The following RPN1 variants were observed in gnomAD, a reference collection of about 807,000 sequenced individuals.
RPN1 encodes dolichyl-diphosphooligosaccharide--protein glycosyltransferase subunit 1.
RPN1 carries 12 observed loss-of-function variants against 55.5 expected under a neutral mutation model. That is an observed-to-expected ratio of 0.22 (90% confidence interval 0.14 to 0.35). The LOEUF (loss-of-function observed/expected upper bound fraction) is 0.35. Ranked by LOEUF, RPN1 falls within the 10% of genes least tolerant of loss-of-function variation. RPN1 has a pLI of 1.00. For synonymous variants in RPN1, 317 were observed against 305.9 expected (o/e 1.04, Z -0.38); for missense variants, 679 against 761.3 (o/e 0.89, Z 1.27).
rs1158748544 is a variant in RPN1 at position 128,626,812 on chromosome 3, T to C, written c.1057A>G (p.Met353Val). The change falls in exon 6 of 10, where the codon ATG becomes GTG. Residue 353 changes from methionine (M) to valine (V), a missense_variant. Transcript: ENST00000296255. ...YNLGDQYALK[M>V]RFVDHVFDEQ... is the part of the protein sequence containing the mutation. ...TCAAACACATGGTCCACAAACCTCA[T>C]CTTCAGTGCATACTGGTCACCTGAA... 6.2e-7 allele frequency: 1 copy of C among 1,614,114 alleles called. No homozygotes were observed. The highest frequency in any genetic ancestry group is 8.5e-7 in the Non-Finnish European group (1 of 1,180,026).
At chr3:128,625,388 A>T (rs1206884132) in intron 8 of RPN1, 146 bp downstream of exon 8, 2 of 1,293,270 alleles carry the variant, frequency 1.5e-6, no homozygotes, top group Non-Finnish European at 2.2e-6. Flanking sequence ...AACAAAAACA[A>T]AGTACCCTTC....
chr3:128,642,125 A>T (rs2069730010), intron 2 of RPN1, among the ~76,000 whole-genome samples: 1 of 152,230 alleles, frequency 6.6e-6, no homozygotes, highest in Non-Finnish European at 1.5e-5. Flanking sequence ...GGGTACTCAG[A>T]CAGCCTCAGA....
At chr3:128,636,684 G>C (rs550204563) in intron 3 of RPN1, among the ~76,000 whole-genome samples, 1 of 152,080 alleles carries the variant, frequency 6.6e-6, no homozygotes, top group East Asian at 1.9e-4. Context: ...CTCCCAAGTA[G>C]CTGAGACTAC....
At chr3:128,644,669 A>G (rs980184561) in intron 2 of RPN1, 2 of 616,268 alleles carry the variant, frequency 3.2e-6, no homozygotes, top group Non-Finnish European at 6.0e-6. Flanking sequence ...AAAAAAAAAA[A>G]TCCTCTAGGA....
chr3:128,643,890 G>C (rs966352030), intron 2 of RPN1, among the ~76,000 whole-genome samples: 1 of 151,654 alleles, frequency 6.6e-6, no homozygotes, highest in Admixed American at 6.6e-5. Flanking sequence ...TTGAACCATC[G>C]CACCACTGCA....
chr3:128,642,814 C>G (rs1406267375), intron 2 of RPN1, among the ~76,000 whole-genome samples: 1 of 149,626 alleles, frequency 6.7e-6, no homozygotes, highest in African/African-American at 2.5e-5. Flanking sequence ...CTGAGGAGTT[C>G]GAGACCAGCC....
At chr3:128,641,118 C>A (rs1412030374) in intron 2 of RPN1, 1 of 150,688 alleles carries the variant, frequency 6.6e-6, no homozygotes. Context: ...TTTCCTAAAG[C>A]TCTTCTCTAG....
At chr3:128,641,424 G>A (rs946688898) in intron 2 of RPN1, among the ~76,000 whole-genome samples, 2 of 152,110 alleles carry the variant, frequency 1.3e-5, no homozygotes, top group East Asian at 3.9e-4. Flanking sequence ...CTTCCTCTGA[G>A]CAAGAGCCAC....
chr3:128,621,009 G>A (rs991575168), intron 9 of RPN1, among the ~76,000 whole-genome samples: 2 of 152,188 alleles, frequency 1.3e-5, no homozygotes, highest in Non-Finnish European at 2.9e-5. Flanking sequence ...GCAAGGGAAG[G>A]GGGGGTGACA....
chr3:128,641,811 A>C (rs985846256), intron 2 of RPN1, among the ~76,000 whole-genome samples: 1 of 151,860 alleles, frequency 6.6e-6, no homozygotes, highest in Non-Finnish European at 1.5e-5. Context: ...GGGTTTCTCC[A>C]TGTTGGTCAG....
chr3:128,639,610 G>A (rs937126751), intron 2 of RPN1, among the ~76,000 whole-genome samples: 3 of 151,722 alleles, frequency 2.0e-5, no homozygotes, highest in Non-Finnish European at 2.9e-5. Context: ...TTTTTGAGAC[G>A]GAGTCTTACT....
intron 9 of RPN1, among the ~76,000 whole-genome samples, chr3:128,620,887 T>C (rs2069553729): frequency 6.6e-6 from 1 of 152,206 alleles, no homozygotes; most frequent in African/African-American, 2.4e-5. Context: ...ATGAAACTAC[T>C]TGGCAGCACC....
Position 128,622,422 on chromosome 3 carries a change from G to A in RPN1, c.1396-13C>T, listed in dbSNP as rs2107712767. The A allele has an allele frequency of 6.2e-7, 1 of 1,613,766 alleles. No individual in the cohort carries two copies. Among genetic ancestry groups the A allele is most frequent in the African/African-American group, 1.3e-5 (1 of 75,044 alleles). ...CTGCGGCTGGATCCTGAAGGAAGGAGAGGCACCATGTGTGACAACATCCAG... is the reference window on the plus strand; with the variant it reads ...CTGCGGCTGGATCCTGAAGGAAGGAAAGGCACCATGTGTGACAACATCCAG... On this transcript the variant is annotated splice_polypyrimidine_tract_variant and intron_variant, in intron 8 of 9. Transcript: ENST00000296255.
At position 128,620,644 on chromosome 3, in the gene RPN1, C is replaced by T. The variant is rs370240654; in HGVS notation, c.1642-51G>A. 7.0e-6 allele frequency: 11 copies of T among 1,566,530 alleles called. No homozygotes were observed. The African/African-American group carries it at 1.2e-4, about 17-fold the overall frequency. ...ACTTGTGAGCTGTCCTCCCACCCCA[C>T]TCAGCAGGCCCCACCATCTCCCAGG... On this transcript the variant is annotated intron_variant, in intron 9 of 9. Coordinates refer to ENST00000296255, the MANE Select transcript of RPN1 (RefSeq NM_002950.4).
chr3:128,640,452 A>G (rs995182148), intron 2 of RPN1, among the ~76,000 whole-genome samples: 3 of 152,214 alleles, frequency 2.0e-5, no homozygotes, highest in Admixed American at 6.5e-5. Flanking sequence ...TACTCAAAAT[A>G]TAAGTAGCGG....
intron 2 of RPN1, chr3:128,642,322 T>C (rs1336794727): frequency 2.0e-5 from 3 of 152,262 alleles, no homozygotes; most frequent in Admixed American, 2.0e-4. Flanking sequence ...CCTGAGAGGA[T>C]GTTGCTGTAC....
intron 5 of RPN1, among the ~76,000 whole-genome samples, chr3:128,628,899 T>C (rs1385723100): frequency 6.6e-6 from 1 of 152,092 alleles, no homozygotes; most frequent in Non-Finnish European, 1.5e-5. Context: ...AGAGAATCGC[T>C]TGAACCTAGG....
chr3:128,637,853 G>A lies in RPN1; in HGVS notation c.579C>T (p.Arg193=). ...GCCCATAATCCAGTAGGTCCTCAGA[G>A]CGCGTGGGGTTCCCCAGCTTGGTGT... ...ESYTKLGNPT[R]SEDLLDYGPF... Residue 193 remains arginine, a synonymous_variant, in exon 3 of 10, where the codon CGC becomes CGT. Coordinates refer to ENST00000296255, the MANE Select transcript of RPN1 (RefSeq NM_002950.4). 6.2e-7 allele frequency: 1 copy of A among 1,613,950 alleles called. No individual in the cohort carries two copies. The highest frequency in any genetic ancestry group is 8.5e-7 in the Non-Finnish European group (1 of 1,180,042).
chr3:128,643,698 C>A (rs959464414), intron 2 of RPN1, among the ~76,000 whole-genome samples: 54 of 151,386 alleles, frequency 3.6e-4, no homozygotes, highest in African/African-American at 1.2e-3. Context: ...CGGGAGGCTG[C>A]ACAGGACAAT....
Sources: gnomAD v4.1 joint callset for allele counts (sites outside exome capture counted in the v4.1 genomes callset) on GRCh38, gnomAD v4.1.1 for gene constraint, MANE v1.5 for transcripts, NCBI Gene and HGNC (gene_info 2026-07-23, HGNC 2026-07-21) for gene names.